Variants in PPM1L observed in about 807,000 individuals in gnomAD.
PPM1L encodes protein phosphatase 1L.
PPM1L carries 13 observed loss-of-function variants against 31.4 expected under a neutral mutation model. The observed-to-expected ratio is 0.41, with a 90% CI of 0.27 to 0.66. The LOEUF (loss-of-function observed/expected upper bound fraction) is 0.66. PPM1L is among the 30% of genes least tolerant of loss of function. PPM1L has a pLI of 0.29. For missense variants in PPM1L, 326 were observed against 453.7 expected (o/e 0.72, Z 2.56); for synonymous variants, 184 against 175.4 (o/e 1.05, Z -0.39).
intron 2 of PPM1L, among the ~76,000 whole-genome samples, chr3:160,991,088 A>G (rs940779836): frequency 6.6e-6 from 1 of 151,974 alleles, no homozygotes; most frequent in African/African-American, 2.4e-5. Context: ...CTAAAAAAAA[A>G]AAAAAGAAAA....
At chr3:161,020,206 G>A (rs1718203152) in intron 2 of PPM1L, among the ~76,000 whole-genome samples, 1 of 151,742 alleles carries the variant, frequency 6.6e-6, no homozygotes. Flanking sequence ...ATATATACTG[G>A]CATTTCAAAA....
At chr3:160,993,475 AG>A (rs2108045653) in intron 2 of PPM1L, among the ~76,000 whole-genome samples, 1 of 152,276 alleles carries the variant, frequency 6.6e-6, no homozygotes, top group East Asian at 1.9e-4. Context: ...AGTGGTCACA[AG>A]GTGGTAAAAA....
intron 2 of PPM1L, among the ~76,000 whole-genome samples, chr3:161,055,065 G>A (rs898680): frequency 0.64 from 97,785 of 151,950 alleles, 34,181 homozygotes; most frequent in East Asian, 0.97. Context: ...CACACACATT[G>A]ATATGACTCT....
rs376368958 is a variant in PPM1L at position 160,756,449 on chromosome 3, C to G, written c.141C>G (p.Thr47=). 9 of 1,613,928 alleles carry G rather than the reference C, an allele frequency of 5.6e-6. No individual in the cohort carries two copies. The African/African-American group carries it at 1.2e-4, about 22-fold the overall frequency. ...SYFFHTDEVK[T]IVKSSRDAVK... ...TCTTCCACACCGACGAGGTGAAGAC[C>G]ATCGTGAAGTCCAGCCGGGACGCCG... Residue 47 remains threonine, a synonymous_variant, in exon 1 of 4, where the codon ACC becomes ACG. Transcript: ENST00000498165. This position sits in a 1 kb window ranked among gnomAD's most constrained non-coding sequence, Gnocchi z 6.2.
At chr3:160,764,466 T>C (rs972001487) in intron 1 of PPM1L, among the ~76,000 whole-genome samples, 1 of 151,860 alleles carries the variant, frequency 6.6e-6, no homozygotes, top group Non-Finnish European at 1.5e-5. Flanking sequence ...TCTCCCTCTC[T>C]CTCTCTCTCT....
chr3:161,047,366 A>C lies in PPM1L; in HGVS notation c.575-18037A>C, dbSNP rs1045019152. Among the ~76,000 whole-genome samples, 8 of 152,320 alleles carry C rather than the reference A, an allele frequency of 5.3e-5. No homozygotes were observed. The East Asian group carries it at 1.5e-3, about 29-fold the overall frequency. On this transcript the variant is annotated intron_variant, in intron 2 of 3. Coordinates refer to ENST00000498165, the MANE Select transcript of PPM1L (RefSeq NM_139245.4). The stretch of plus-strand genomic sequence containing the variant: ...TTCAAAGAGAATAAAATACCTAGGA[A>C]TCCAACTTACAAGGGATGTGAAGGA...
At chr3:160,955,584 A>G (rs201159455) in intron 1 of PPM1L, among the ~76,000 whole-genome samples, 1 of 151,666 alleles carries the variant, frequency 6.6e-6, no homozygotes, top group Non-Finnish European at 1.5e-5. Flanking sequence ...TGTTTTCCCA[A>G]CAGTTCAAGC....
At chr3:160,823,771 G>T (rs1332053122) in intron 1 of PPM1L, among the ~76,000 whole-genome samples, 1 of 152,086 alleles carries the variant, frequency 6.6e-6, no homozygotes, top group African/African-American at 2.4e-5. Context: ...GATGATGAAA[G>T]TGAGGCACAG....
chr3:160,857,088 A>G (rs187995357), intron 1 of PPM1L, among the ~76,000 whole-genome samples: 21 of 152,350 alleles, frequency 1.4e-4, no homozygotes, highest in Admixed American at 1.1e-3. Flanking sequence ...TACCACTTTA[A>G]AAGAAAGAAG....
At chr3:161,007,732 AG>A (rs1362131321) in intron 2 of PPM1L, among the ~76,000 whole-genome samples, 1 of 152,120 alleles carries the variant, frequency 6.6e-6, no homozygotes, top group Non-Finnish European at 1.5e-5. Context: ...TGTGTGGCCC[AG>A]GGAAGCCAAA....
At chr3:160,771,536 G>T (rs1314722268) in intron 1 of PPM1L, among the ~76,000 whole-genome samples, 1 of 138,618 alleles carries the variant, frequency 7.2e-6, no homozygotes, top group Non-Finnish European at 1.5e-5. Flanking sequence ...AGCCACCAAG[G>T]CTGGCTCTTT....
At chr3:161,000,724 G>A (rs759125643) in intron 2 of PPM1L, among the ~76,000 whole-genome samples, 1 of 152,148 alleles carries the variant, frequency 6.6e-6, no homozygotes, top group Non-Finnish European at 1.5e-5. Context: ...ATATACTCGA[G>A]AAATTTACCA....
chr3:160,889,193 A>G (rs1325291031), intron 1 of PPM1L, among the ~76,000 whole-genome samples: 1 of 152,202 alleles, frequency 6.6e-6, no homozygotes, highest in Non-Finnish European at 1.5e-5. Flanking sequence ...AAAATTCTCC[A>G]AAAATAATCA....
intron 1 of PPM1L, among the ~76,000 whole-genome samples, chr3:160,918,887 G>A (rs916228359): frequency 6.6e-6 from 1 of 151,948 alleles, no homozygotes; most frequent in East Asian, 1.9e-4. Context: ...AATAACATTA[G>A]GCAATAACAT....
chr3:160,771,375 G>T (rs1715251415), intron 1 of PPM1L, among the ~76,000 whole-genome samples: 2 of 151,482 alleles, frequency 1.3e-5, no homozygotes, highest in Non-Finnish European at 2.9e-5. Context: ...TCCCACCACA[G>T]CCTCCTGACA....
chr3:161,014,022 A>C (rs183046644), intron 2 of PPM1L, among the ~76,000 whole-genome samples: 2 of 152,156 alleles, frequency 1.3e-5, no homozygotes, highest in Non-Finnish European at 2.9e-5. Flanking sequence ...GCCCATTTAC[A>C]TTTAAGGTTA....
intron 1 of PPM1L, among the ~76,000 whole-genome samples, chr3:160,930,260 C>T (rs1470303676): frequency 4.1e-5 from 6 of 148,092 alleles, no homozygotes; most frequent in African/African-American, 1.6e-4. Context: ...TTAGCAGTCC[C>T]TTAAAAAAAA....
rs529267197 is a variant in PPM1L at position 160,958,619 on chromosome 3, A to G, written c.400-3117A>G. ...ATTTTACAATTATATATGTTGCACAAATGTGCTGAGTCCATTTACATTTTA... is the reference window on the plus strand; with the variant it reads ...ATTTTACAATTATATATGTTGCACAGATGTGCTGAGTCCATTTACATTTTA... On this transcript the variant is annotated intron_variant, in intron 1 of 3. Coordinates refer to ENST00000498165, the MANE Select transcript of PPM1L (RefSeq NM_139245.4). Among the ~76,000 whole-genome samples the G allele has an allele frequency of 2.0e-4, 31 of 152,346 alleles. 1 individual carries two copies. In the South Asian group the frequency reaches 6.2e-3, roughly 31 times the overall value.
At chr3:160,797,921 T>C (rs7630250) in intron 1 of PPM1L, among the ~76,000 whole-genome samples, 1 of 151,674 alleles carries the variant, frequency 6.6e-6, no homozygotes, top group African/African-American at 2.4e-5. Flanking sequence ...GGCTCACGCC[T>C]GTAATCCCAG....
Sources: allele counts gnomAD v4.1 joint callset (sites outside exome capture counted in the v4.1 genomes callset), GRCh38; gene constraint gnomAD v4.1.1; non-coding constraint Gnocchi (gnomAD v3.1); transcripts MANE v1.5; gene names NCBI Gene and HGNC (gene_info 2026-07-23, HGNC 2026-07-21).